The following ITGA9 variants were observed in gnomAD, a reference collection of about 807,000 sequenced individuals.
The protein encoded by ITGA9 is integrin alpha-9.
ITGA9 carries 56 observed loss-of-function variants against 127.8 expected under a neutral mutation model. That is an observed-to-expected ratio of 0.44 (90% CI 0.35 to 0.55). The LOEUF is 0.55. Ranked by LOEUF, ITGA9 falls within the 20% of genes least tolerant of loss-of-function variation. The pLI is 0.00. For synonymous variants in ITGA9, 508 were observed against 514.5 expected (o/e 0.99, Z 0.17); for missense variants, 1,196 against 1,347.1 (o/e 0.89, Z 1.76).
intron 27 of ITGA9, among the ~76,000 whole-genome samples, chr3:37,812,991 C>G (rs1003258394): frequency 1.2e-4 from 19 of 152,268 alleles, no homozygotes; most frequent in African/African-American, 4.3e-4. Context: ...CCAAGGCACC[C>G]ATGCGTGCTC....
At chr3:37,602,910 G>GA (rs1299490834) in intron 15 of ITGA9, among the ~76,000 whole-genome samples, 1 of 152,198 alleles carries the variant, frequency 6.6e-6, no homozygotes, top group Admixed American at 6.5e-5. Context: ...CTATACTGCT[G>GA]CAAAGCTTGT....
At chr3:37,651,961 A>G (rs1700432973) in intron 16 of ITGA9, among the ~76,000 whole-genome samples, 1 of 152,046 alleles carries the variant, frequency 6.6e-6, no homozygotes, top group African/African-American at 2.4e-5. Flanking sequence ...TTTCACCTCC[A>G]TCTCCACCTC....
In ITGA9 at chr3:37,452,579, C is replaced by G; in HGVS notation, c.185+20C>G. The G allele has an allele frequency of 6.7e-7, 1 of 1,502,726 alleles. No homozygotes were observed. Among genetic ancestry groups the G allele is most frequent in the Non-Finnish European group, 8.9e-7 (1 of 1,124,014 alleles). 93.1% of individuals were successfully genotyped at this position (1,502,726 alleles called of 1,614,324 possible). On this transcript the variant is annotated intron_variant, in intron 1 of 27. Coordinates refer to ENST00000264741, the MANE Select transcript of ITGA9 (RefSeq NM_002207.3). The surrounding 1 kb of genome is among the most constrained non-coding windows in gnomAD (Gnocchi z 7.3). ...GCGCTGGTGAGTGCCCGCCCGACTC[C>G]GCGACCCTGGCCCGCGCGGCCACCG...
chr3:37,473,372 C>T lies in ITGA9; in HGVS notation c.332C>T (p.Ser111Phe). 1 of 1,614,070 alleles carries T rather than the reference C, an allele frequency of 6.2e-7. No individual in the cohort carries two copies. The highest frequency in any genetic ancestry group is 8.5e-7 in the Non-Finnish European group (1 of 1,179,964). Residue 111 changes from serine to phenylalanine, a missense_variant, in exon 3 of 28, where the codon TCC becomes TTC. By Grantham distance (155) the Ser-to-Phe change is radical. Transcript: ENST00000264741. ...TCTCCAGGGAAGAATCGGGGCACGTCCTGCGGAAAGACCTGCCGGGAAGAC... is the reference window on the plus strand; with the variant it reads ...TCTCCAGGGAAGAATCGGGGCACGTTCTGCGGAAAGACCTGCCGGGAAGAC... ...DMARGKNRGT[S>F]CGKTCREDRD...
At chr3:37,760,663 A>C (rs1250231219) in intron 23 of ITGA9, among the ~76,000 whole-genome samples, 2 of 152,184 alleles carry the variant, frequency 1.3e-5, no homozygotes, top group African/African-American at 4.8e-5. Context: ...TCACAGAAAA[A>C]AACAAACAAA....
chr3:37,544,014 C>T lies in ITGA9; in HGVS notation c.1689+1429C>T, dbSNP rs114983896. On this transcript the variant is annotated intron_variant, in intron 15 of 27. Coordinates refer to ENST00000264741, the MANE Select transcript of ITGA9 (RefSeq NM_002207.3). ...GGTGTGAGGCTGCGCAGTACAGGCTCGTATGCAAACACTGTCAGGCCTTTG... is the reference window on the plus strand; with the variant it reads ...GGTGTGAGGCTGCGCAGTACAGGCTTGTATGCAAACACTGTCAGGCCTTTG... 4.4e-3 allele frequency among the ~76,000 whole-genome samples: 671 copies of T among 152,336 alleles called. 9 individuals carry two copies. The highest frequency in any genetic ancestry group is 0.016 in the African/African-American group (646 of 41,570).
chr3:37,705,761 A>G lies in ITGA9; in HGVS notation c.2067+21746A>G, dbSNP rs754907639. Among the ~76,000 whole-genome samples the G allele has an allele frequency of 2.4e-4, 36 of 152,202 alleles. 1 individual carries two copies. The highest frequency in any genetic ancestry group is 2.0e-3 in the Admixed American group (31 of 15,284). ...AACCATTTTATTTTTCTTGTGCCTC[A>G]TGAATTAATAGGGCAGTGAGAGGAA... On this transcript the variant is annotated intron_variant, in intron 18 of 27. Transcript: ENST00000264741.
chr3:37,543,171 A>T (rs1006769214), intron 15 of ITGA9, among the ~76,000 whole-genome samples: 1 of 152,216 alleles, frequency 6.6e-6, no homozygotes, highest in East Asian at 1.9e-4. Flanking sequence ...CTAATTCAGG[A>T]GGCCAGGCTT....
intron 3 of ITGA9, 55 bp from the exon 4 acceptor site, chr3:37,481,429 T>C: frequency 6.2e-7 from 1 of 1,612,514 alleles, no homozygotes; most frequent in Non-Finnish European, 8.5e-7. Context: ...AGGAGTCTGC[T>C]TTGTGATCTT....
chr3:37,735,260 ACT>A (rs766611063), intron 19 of ITGA9, among the ~76,000 whole-genome samples: 1 of 151,700 alleles, frequency 6.6e-6, no homozygotes, highest in Non-Finnish European at 1.5e-5. Context: ...CCCAGTGCTG[ACT>A]CTACACCAGT....
In ITGA9 at chr3:37,777,609, G is replaced by T; in HGVS notation, c.2667+92G>T. On this transcript the variant is annotated intron_variant, in intron 24 of 27. Transcript: ENST00000264741. ...TTGATATTTATTATTTCCTAAATCT[G>T]GTTTTAATCAATTTGACTTACAAAG... 4 of 1,450,732 alleles carry T rather than the reference G, an allele frequency of 2.8e-6. No homozygotes were observed. The South Asian group carries it at 4.7e-5, about 17-fold the overall frequency. 89.9% of individuals were successfully genotyped at this position (1,450,732 alleles called of 1,614,324 possible).
chr3:37,517,648 G>A (rs1698999982), intron 10 of ITGA9, 39 bp downstream of exon 10: 2 of 1,395,916 alleles, frequency 1.4e-6, no homozygotes, highest in East Asian at 2.5e-5. Flanking sequence ...CCCTCCAGGT[G>A]CAGCACGCTG....
At chr3:37,636,664 A>T (rs1164666302) in intron 16 of ITGA9, among the ~76,000 whole-genome samples, 2 of 152,132 alleles carry the variant, frequency 1.3e-5, no homozygotes, top group East Asian at 1.9e-4. Flanking sequence ...ATTTTGGCTT[A>T]TGTTGCCATT....
At chr3:37,474,571 C>T (rs1698470893) in intron 3 of ITGA9, among the ~76,000 whole-genome samples, 1 of 152,216 alleles carries the variant, frequency 6.6e-6, no homozygotes, top group Non-Finnish European at 1.5e-5. Flanking sequence ...TTATGCATCC[C>T]CATTGCCAGT....
chr3:37,765,291 G>A (rs1575227669), intron 23 of ITGA9, among the ~76,000 whole-genome samples: 1 of 152,084 alleles, frequency 6.6e-6, no homozygotes, highest in East Asian at 1.9e-4. Context: ...GTGAGAATAA[G>A]AAGGTGAAAT....
At chr3:37,613,596 C>T (rs1700045090) in intron 15 of ITGA9, among the ~76,000 whole-genome samples, 1 of 152,232 alleles carries the variant, frequency 6.6e-6, no homozygotes. Flanking sequence ...TAAAAGTGTT[C>T]TTATCTCTCC....
intron 15 of ITGA9, among the ~76,000 whole-genome samples, chr3:37,569,405 G>T (rs914066378): frequency 2.6e-5 from 4 of 152,200 alleles, no homozygotes; most frequent in African/African-American, 9.7e-5. Context: ...CATATCATGG[G>T]GGTAGAGTTG....
chr3:37,775,286 C>T (rs572084133), intron 23 of ITGA9, among the ~76,000 whole-genome samples: 3 of 152,152 alleles, frequency 2.0e-5, no homozygotes, highest in Non-Finnish European at 2.9e-5. Flanking sequence ...CTGGTCATTA[C>T]AGAAATGCAA....
At chr3:37,743,824 C>A in intron 21 of ITGA9, 102 bp from the exon 22 acceptor site, 1 of 844,148 alleles carries the variant, frequency 1.2e-6, no homozygotes, top group Non-Finnish European at 2.1e-6. Context: ...GGGTGCAAGA[C>A]ACTGGATTAA....
Sources: allele counts gnomAD v4.1 joint callset (sites outside exome capture counted in the v4.1 genomes callset), GRCh38; gene constraint gnomAD v4.1.1; non-coding constraint Gnocchi (gnomAD v3.1); transcripts MANE v1.5; gene names NCBI Gene and HGNC (gene_info 2026-07-23, HGNC 2026-07-21).